USP14: variants seen among roughly 807,000 people sequenced by gnomAD.
USP14 encodes the protein ubiquitin carboxyl-terminal hydrolase 14.
In USP14, 38 loss-of-function variants were observed where a neutral mutation model predicts 76.5. That is an observed-to-expected ratio of 0.50 (90% CI 0.38 to 0.65). The LOEUF is 0.65. Ranked by LOEUF, USP14 falls within the 30% of genes least tolerant of loss-of-function variation. USP14 has a pLI of 0.00. For synonymous variants in USP14, 192 were observed against 191.7 expected (o/e 1.00, Z -0.01); for missense variants, 467 against 586.5 (o/e 0.80, Z 2.10).
In USP14 at chr18:214,000, T is replaced by TAGATA. The variant is rs59833745; in HGVS notation, c.*2716_*2717insAGATA. On this transcript the variant is annotated 3_prime_UTR_variant, in exon 16 of 16. Coordinates refer to ENST00000261601, the MANE Select transcript of USP14 (RefSeq NM_005151.4). ...TTAGATAGATAGATAGATAGATAGA[T>TAGATA]GATGATTGATTGATGATTGATAGTA... is the stretch of plus-strand genomic sequence containing the variant. The TAGATA allele has an allele frequency of 0.018, 2,621 of 149,352 alleles. 152 individuals are homozygous for TAGATA. The East Asian group carries it at 0.2, about 11-fold the overall frequency. The allele number at this position is 149,352 out of a possible 1,614,324, so 9.3% of individuals were successfully genotyped here.
chr18:201,365 G>A (rs1910379619), intron 10 of USP14, among the ~76,000 whole-genome samples: 1 of 151,936 alleles, frequency 6.6e-6, no homozygotes, highest in Non-Finnish European at 1.5e-5. Context: ...GGCAGAGGAG[G>A]TGGGTTGATA....
At chr18:163,817 GT>G (rs68144137) in intron 2 of USP14, among the ~76,000 whole-genome samples, 26,148 of 144,030 alleles carry the variant, frequency 0.18, 2,414 homozygotes, top group Non-Finnish European at 0.23. Context: ...CCGATAGGTA[GT>G]TTTTTTTTTT....
At chr18:198,579 C>G (rs1466150541) in intron 9 of USP14, among the ~76,000 whole-genome samples, 1 of 151,982 alleles carries the variant, frequency 6.6e-6, no homozygotes. Flanking sequence ...AAAAATATAC[C>G]TATTGGAGTG....
At chr18:158,864 C>G (rs887451920) in intron 1 of USP14, 150 bp downstream of exon 1, 84 of 1,180,638 alleles carry the variant, frequency 7.1e-5, no homozygotes, top group Non-Finnish European at 8.3e-5. Context: ...ACCCAGGCAC[C>G]GTCCCCTCTC....
At position 192,883 on chromosome 18, in the gene USP14, C is replaced by T. The variant is rs577282582; in HGVS notation, c.446C>T (p.Ala149Val). 1.1e-5 allele frequency: 18 copies of T among 1,613,738 alleles called. No homozygotes were observed. The highest frequency in any genetic ancestry group is 4.5e-5 in the East Asian group (2 of 44,836). The change falls in exon 6 of 16, where the codon GCG becomes GTG. Residue 149 changes from alanine to valine, a missense_variant. By Grantham distance (64) the Ala-to-Val change is moderately conservative. Coordinates refer to ENST00000261601, the MANE Select transcript of USP14 (RefSeq NM_005151.4). ...AGAGCTTCAGGGGAAATGGCTTCAG[C>T]GCAGTATATTACTGCAGGTTTGTAT... is the stretch of plus-strand genomic sequence containing the variant. ...ALRASGEMAS[A>V]QYITAALRDL...
chr18:178,987 G>A lies in USP14; in HGVS notation c.250G>A (p.Ala84Thr). ...SADALPEEPS[A>T]KTVFVEDMTE... ...AGATGCTCTTCCAGAAGAACCCTCAGCCAAAACTGTCTTCGTAGAAGACAT... is the reference window on the plus strand; with the variant it reads ...AGATGCTCTTCCAGAAGAACCCTCAACCAAAACTGTCTTCGTAGAAGACAT... Residue 84 changes from alanine (A) to threonine (T), a missense_variant, in exon 4 of 16, where the codon GCC becomes ACC. Coordinates refer to ENST00000261601, the MANE Select transcript of USP14 (RefSeq NM_005151.4). 6.2e-7 allele frequency: 1 copy of A among 1,613,320 alleles called. No individual in the cohort carries two copies. Among genetic ancestry groups the A allele is most frequent in the Non-Finnish European group, 8.5e-7 (1 of 1,179,680 alleles).
intron 13 of USP14, among the ~76,000 whole-genome samples, chr18:206,193 T>G (rs1265119467): frequency 6.6e-6 from 1 of 152,228 alleles, no homozygotes; most frequent in East Asian, 1.9e-4. Flanking sequence ...TGAGACTGAT[T>G]CACTTTCTCT....
At chr18:186,304 G>T (rs971168132) in intron 5 of USP14, among the ~76,000 whole-genome samples, 4 of 152,048 alleles carry the variant, frequency 2.6e-5, no homozygotes, top group Admixed American at 1.3e-4. Context: ...CAATAAAAAA[G>T]AAATAGCTGA....
At chr18:197,901 T>C (rs1910282078) in intron 8 of USP14, 146 bp from the exon 9 acceptor site, 1 of 765,716 alleles carries the variant, frequency 1.3e-6, no homozygotes, top group Non-Finnish European at 2.0e-6. Flanking sequence ...CTTAATTCAT[T>C]GTTGATTTTT....
chr18:175,688 G>A (rs750795127), intron 3 of USP14, among the ~76,000 whole-genome samples: 1 of 151,906 alleles, frequency 6.6e-6, no homozygotes, highest in Non-Finnish European at 1.5e-5. Flanking sequence ...TTTTTATCTG[G>A]TTTTGCTATC....
At chr18:204,297 G>A (rs1910467259) in intron 12 of USP14, among the ~76,000 whole-genome samples, 1 of 151,808 alleles carries the variant, frequency 6.6e-6, no homozygotes, top group African/African-American at 2.4e-5. Flanking sequence ...GTAAATTTTG[G>A]TACTTCCTCT....
intron 3 of USP14, among the ~76,000 whole-genome samples, chr18:171,334 A>T (rs1213700457): frequency 6.6e-6 from 1 of 152,086 alleles, no homozygotes; most frequent in Non-Finnish European, 1.5e-5. Flanking sequence ...CTGTCTTGTT[A>T]GAGGCTAATG....
chr18:210,315 C>A, intron 14 of USP14, 71 bp from the exon 15 acceptor site: 1 of 1,121,780 alleles, frequency 8.9e-7, no homozygotes, highest in South Asian at 1.5e-5. Flanking sequence ...TAGAGTTATT[C>A]TTGTTACTTA....
chr18:204,490 T>C, intron 12 of USP14, 74 bp from the exon 13 acceptor site: 2 of 1,245,508 alleles, frequency 1.6e-6, no homozygotes, highest in Non-Finnish European at 2.1e-6. Context: ...AAAGCATTAC[T>C]TCAGATATGT....
At chr18:173,148 G>T (rs966141746) in intron 3 of USP14, among the ~76,000 whole-genome samples, 2 of 141,918 alleles carry the variant, frequency 1.4e-5, no homozygotes, top group African/African-American at 5.3e-5. Context: ...TCACCCTGTT[G>T]CCCAGGCTGG....
chr18:196,641 T>G lies in USP14; in HGVS notation c.468T>G (p.Leu156=). 6.2e-7 allele frequency: 1 copy of G among 1,613,674 alleles called. No individual in the cohort carries two copies. Among genetic ancestry groups the G allele is most frequent in the South Asian group, 1.1e-5 (1 of 90,894 alleles). Residue 156 remains leucine, a synonymous_variant, in exon 7 of 16, where the codon CTT becomes CTG. Coordinates refer to ENST00000261601, the MANE Select transcript of USP14 (RefSeq NM_005151.4). The part of the protein sequence containing the change: ...MASAQYITAA[L]RDLFDSMDKT... ...AATGTTTGCTTTGTCTTTAAGCCCT[T>G]AGAGATTTGTTTGATTCCATGGATA...
chr18:170,712 A>G (rs541414758), intron 3 of USP14, among the ~76,000 whole-genome samples: 44 of 152,278 alleles, frequency 2.9e-4, no homozygotes, highest in Admixed American at 1.8e-3. Flanking sequence ...GTGAAGGCTG[A>G]GAGAGGTGAG....
intron 5 of USP14, among the ~76,000 whole-genome samples, chr18:182,213 G>A (rs1350319392): frequency 1.3e-5 from 2 of 152,154 alleles, no homozygotes; most frequent in African/African-American, 4.8e-5. Flanking sequence ...ACAAATAAGG[G>A]CCCTTTCTTC....
At chr18:178,806 G>T in intron 3 of USP14, 127 bp from the exon 4 acceptor site, 1 of 617,170 alleles carries the variant, frequency 1.6e-6, no homozygotes, top group South Asian at 2.1e-5. Flanking sequence ...TCTACTTTCT[G>T]CAGATTTACT....
Sources: gnomAD v4.1 joint callset for allele counts (sites outside exome capture counted in the v4.1 genomes callset) on GRCh38, gnomAD v4.1.1 for gene constraint, MANE v1.5 for transcripts, NCBI Gene and HGNC (gene_info 2026-07-23, HGNC 2026-07-21) for gene names.